The following MYO1B variants were observed in gnomAD, a reference collection of about 807,000 sequenced individuals.
MYO1B encodes myosin IB, also known as unconventional myosin-Ib.
MYO1B carries 72 observed loss-of-function variants against 159.7 expected under a neutral mutation model. The observed-to-expected ratio is 0.45, with a 90% CI of 0.37 to 0.55. The LOEUF is 0.55. MYO1B is among the 20% of genes least tolerant of loss of function. The pLI is 0.00. For missense variants in MYO1B, 1,062 were observed against 1,364.8 expected (o/e 0.78, Z 3.50); for synonymous variants, 468 against 473.8 (o/e 0.99, Z 0.16).
chr2:191,291,469 T>A (rs1559144175), intron 2 of MYO1B, among the ~76,000 whole-genome samples: 1 of 152,206 alleles, frequency 6.6e-6, no homozygotes, highest in Non-Finnish European at 1.5e-5. Flanking sequence ...TTCATTCTTG[T>A]TTGCTTCTCT....
At chr2:191,246,068 G>A (rs1349194275) in intron 1 of MYO1B, 1 of 152,378 alleles carries the variant, frequency 6.6e-6, no homozygotes, top group African/African-American at 2.4e-5. Flanking sequence ...GGCGTCCTGG[G>A]GAGTGGGGTT....
chr2:191,270,387 C>A (rs962478894), intron 1 of MYO1B, among the ~76,000 whole-genome samples: 1 of 152,044 alleles, frequency 6.6e-6, no homozygotes, highest in Non-Finnish European at 1.5e-5. Flanking sequence ...TTGAAAATTT[C>A]AAAAGTGGCC....
intron 4 of MYO1B, among the ~76,000 whole-genome samples, chr2:191,339,408 C>A (rs1358356844): frequency 6.6e-6 from 1 of 152,174 alleles, no homozygotes; most frequent in Non-Finnish European, 1.5e-5. Flanking sequence ...ATGTATAATT[C>A]ACCAGCTTTT....
At chr2:191,407,536 A>G (rs1696998854) in intron 24 of MYO1B, 1 of 152,248 alleles carries the variant, frequency 6.6e-6, no homozygotes, top group African/African-American at 2.4e-5. Flanking sequence ...AACTAAAACT[A>G]TAATATGATG....
intron 20 of MYO1B, among the ~76,000 whole-genome samples, chr2:191,394,932 A>G (rs1695976324): frequency 6.6e-6 from 1 of 152,318 alleles, no homozygotes; most frequent in African/African-American, 2.4e-5. Context: ...ATCTCTTTCA[A>G]AATTTGAACT....
intron 3 of MYO1B, among the ~76,000 whole-genome samples, chr2:191,315,755 T>A (rs1433564274): frequency 6.6e-6 from 1 of 152,370 alleles, no homozygotes; most frequent in East Asian, 1.9e-4. Flanking sequence ...ATTCTCATGT[T>A]ACTAAGTGGA....
At chr2:191,408,881 A>G (rs1697090446) in intron 25 of MYO1B, among the ~76,000 whole-genome samples, 163 bp from the exon 26 acceptor site, 1 of 152,202 alleles carries the variant, frequency 6.6e-6, no homozygotes, top group African/African-American at 2.4e-5. Flanking sequence ...CCCAACCAGT[A>G]TGAAAGAGTG....
intron 30 of MYO1B, among the ~76,000 whole-genome samples, chr2:191,420,371 G>C (rs1697862857): frequency 1.3e-5 from 2 of 152,282 alleles, no homozygotes; most frequent in South Asian, 4.1e-4. Flanking sequence ...CTCACTCACT[G>C]ACTCACCCAG....
intron 3 of MYO1B, among the ~76,000 whole-genome samples, chr2:191,306,024 G>A (rs979542104): frequency 2.6e-5 from 4 of 152,056 alleles, no homozygotes; most frequent in African/African-American, 9.7e-5. Flanking sequence ...AAAAATCTTG[G>A]CCTTTTTGTG....
In MYO1B at chr2:191,414,551, A is replaced by C; in HGVS notation, c.3041A>C (p.Asn1014Thr). The change falls in exon 29 of 31, where the codon AAT becomes ACT. Residue 1014 changes from asparagine to threonine, a missense_variant. Physicochemically the swap from Asn to Thr is moderately conservative, Grantham distance 65 (BLOSUM62 0). Transcript: ENST00000392318. ...TSRIFLLTNN[N>T]LLLADQKSGQ... ...CGGATTTTCCTCTTAACAAACAATA[A>C]TCTCCTTCTTGCTGACCAAAAGTCT... 1 of 1,612,098 alleles carries C rather than the reference A, an allele frequency of 6.2e-7. No homozygotes were observed. Among genetic ancestry groups the C allele is most frequent in the Non-Finnish European group, 8.5e-7 (1 of 1,179,360 alleles).
At chr2:191,344,558 T>C (rs1235836607) in intron 5 of MYO1B, among the ~76,000 whole-genome samples, 7 of 151,922 alleles carry the variant, frequency 4.6e-5, no homozygotes, top group African/African-American at 1.7e-4. Flanking sequence ...CAGCCGGGCG[T>C]GGTGGCTCAC....
intron 13 of MYO1B, among the ~76,000 whole-genome samples, chr2:191,378,410 A>T (rs1160201027): frequency 6.6e-6 from 1 of 151,822 alleles, no homozygotes; most frequent in Non-Finnish European, 1.5e-5. Context: ...AGGTTTTGGG[A>T]TAGGTGGTGG....
rs765571133 is a variant in MYO1B, at chr2:191,400,750, C to T, written c.2384C>T (p.Ala795Val). The T allele has an allele frequency of 1.2e-6, 2 of 1,613,852 alleles. No individual in the cohort carries two copies. The highest frequency in any genetic ancestry group is 2.2e-5 in the South Asian group (2 of 91,034). The stretch of plus-strand genomic sequence containing the variant: ...AACTCCTTTTCAAATGCATCACAGG[C>T]ACGAAGGGAACTGAGACGGCTGAAG... ...TIAAYWHGTQ[A>V]RRELRRLKEE... The change falls in exon 23 of 31, where the codon GCA becomes GTA. Residue 795 changes from alanine to valine, a missense_variant and splice_region_variant. Physicochemically the swap from Ala to Val is moderately conservative, Grantham distance 64. Around this residue, in one of 5 missense-constraint regions of MYO1B, gnomAD observed 609 missense variants for 744.4 expected, o/e 0.82. Coordinates refer to ENST00000392318, the MANE Select transcript of MYO1B (RefSeq NM_001130158.3).
At chr2:191,356,894 T>G (rs1231088050) in intron 7 of MYO1B, among the ~76,000 whole-genome samples, 1 of 152,218 alleles carries the variant, frequency 6.6e-6, no homozygotes, top group Non-Finnish European at 1.5e-5. Context: ...GATGCTTTTT[T>G]CATAATATTA....
At chr2:191,292,347 T>C (rs954399976) in intron 2 of MYO1B, among the ~76,000 whole-genome samples, 11 of 152,170 alleles carry the variant, frequency 7.2e-5, no homozygotes, top group Non-Finnish European at 1.5e-4. Flanking sequence ...CCTGAGAACA[T>C]GTGCCCAAGA....
intron 4 of MYO1B, among the ~76,000 whole-genome samples, chr2:191,334,521 T>C (rs1574453119): frequency 6.6e-6 from 1 of 152,208 alleles, no homozygotes; most frequent in South Asian, 2.1e-4. Flanking sequence ...TCTCTTGTTA[T>C]TTTTCTGCTT....
chr2:191,353,949 C>T (rs1212583172), intron 7 of MYO1B, among the ~76,000 whole-genome samples: 4 of 152,140 alleles, frequency 2.6e-5, no homozygotes, highest in Admixed American at 6.6e-5. Context: ...TACTGAGTGA[C>T]CAGCAACTAA....
chr2:191,329,579 A>G (rs1242285739), intron 3 of MYO1B, among the ~76,000 whole-genome samples: 1 of 148,664 alleles, frequency 6.7e-6, no homozygotes, highest in East Asian at 1.9e-4. Flanking sequence ...GTTTATAAAT[A>G]AATAAATTAT....
At chr2:191,361,429 C>G (rs958980571) in intron 8 of MYO1B, among the ~76,000 whole-genome samples, 4 of 152,040 alleles carry the variant, frequency 2.6e-5, no homozygotes, top group African/African-American at 4.8e-5. Flanking sequence ...CACAAAGATA[C>G]TATCTAATAG....
Sources: gnomAD v4.1 joint callset for allele counts (sites outside exome capture counted in the v4.1 genomes callset) on GRCh38, gnomAD v4.1.1 for gene constraint, gnomAD v4.1.1 regional missense constraint, MANE v1.5 for transcripts, NCBI Gene and HGNC (gene_info 2026-07-23, HGNC 2026-07-21) for gene names.